Variants in EIF4E1B observed in about 807,000 individuals in gnomAD.
EIF4E1B encodes the protein eukaryotic translation initiation factor 4E type 1B.
Under a neutral mutation model 31.3 loss-of-function variants are expected in EIF4E1B, and 22 were observed. That is an observed-to-expected ratio of 0.70 (90% CI 0.50 to 1.00). EIF4E1B has a LOEUF of 1.00. Among genes scored for constraint, EIF4E1B ranks in the 50% least tolerant of loss-of-function variants. The pLI is 0.00. For synonymous variants in EIF4E1B, 126 were observed against 120.2 expected, an observed-to-expected ratio of 1.05 and a Z score of -0.31; for missense variants, 290 against 311.6, an observed-to-expected ratio of 0.93 and a Z score of 0.52.
chr5:176,642,858 C>CACCG (rs1055727224), intron 3 of EIF4E1B, 56 bp downstream of exon 3: 1 of 1,290,768 alleles, frequency 7.7e-7, no homozygotes, highest in African/African-American at 2.1e-5. Flanking sequence ...CTCTCCCCCC[C>CACCG]CCCCCCCGCC....
chr5:176,645,139 C>T lies in EIF4E1B; in HGVS notation c.370C>T (p.Gln124Ter), dbSNP rs368333419. 5 of 1,563,138 alleles carry T rather than the reference C, an allele frequency of 3.2e-6. No homozygotes were observed. The African/African-American group carries it at 6.8e-5, about 21-fold the overall frequency. ...CDYALFKDGI[Q>*]PMWEDSRNKR... is the part of the protein sequence containing the mutation. Reference sequence around the variant, plus strand: ...GCCATCTGCCTTGCAGGATGGCATCCAGCCCATGTGGGAGGACAGCAGGAA... The same window carrying T: ...GCCATCTGCCTTGCAGGATGGCATCTAGCCCATGTGGGAGGACAGCAGGAA... Residue 124 changes from glutamine to a stop codon, truncating the protein, a stop_gained, in exon 7 of 9, where the codon CAG becomes TAG. Transcript: ENST00000318682. LOFTEE classifies it high-confidence loss of function. The surrounding 1 kb of genome is among the most constrained non-coding windows in gnomAD (Gnocchi z 5.4).
intron 1 of EIF4E1B, among the ~76,000 whole-genome samples, chr5:176,634,803 G>A (rs1301241283): frequency 6.6e-6 from 1 of 151,528 alleles, no homozygotes; most frequent in Non-Finnish European, 1.5e-5. Context: ...CTGAGTAGCT[G>A]GGATTACAGG....
chr5:176,645,673 TCTAA>T lies in EIF4E1B; in HGVS notation c.614+160_614+163del. 1.6e-6 allele frequency: 2 copies of T among 1,233,276 alleles called. No individual in the cohort carries two copies. Among genetic ancestry groups the T allele is most frequent in the Admixed American group, 3.0e-5 (1 of 33,584 alleles). The allele number at this position is 1,233,276 out of a possible 1,614,324, so 76.4% of individuals were successfully genotyped here. On this transcript the variant is annotated intron_variant, in intron 8 of 8. Transcript: ENST00000318682. This position sits in a 1 kb window ranked among gnomAD's most constrained non-coding sequence, Gnocchi z 5.4. ...GTATGGAAGGTCTGGCGTTCAGATT[TCTAA>T]CTTTCTCTTACGGCAGTGCAGCTCT... is the stretch of plus-strand genomic sequence containing the variant.
chr5:176,633,480 ATTTATT>A (rs1183611522), intron 1 of EIF4E1B, among the ~76,000 whole-genome samples: 1 of 151,798 alleles, frequency 6.6e-6, no homozygotes, highest in Non-Finnish European at 1.5e-5. Flanking sequence ...TGATTTACTT[ATTTATT>A]TTTTGTTGAG....
In EIF4E1B at chr5:176,638,502, G is replaced by A. The variant is rs1482766874; in HGVS notation, c.-201-3541G>A. 6.6e-6 allele frequency among the ~76,000 whole-genome samples: 1 copy of A among 152,234 alleles called. No individual in the cohort carries two copies. Among genetic ancestry groups the A allele is most frequent in the African/African-American group, 2.4e-5 (1 of 41,452 alleles). On this transcript the variant is annotated intron_variant, in intron 1 of 8. Transcript: ENST00000318682. The surrounding 1 kb of genome is among the most constrained non-coding windows in gnomAD (Gnocchi z 4.3). Reference sequence around the variant, plus strand: ...ATAGAACAGAGTGATGAGTTAGAGGGCATGGGGGAGAGTGTTCTTCTGTAG... The same window carrying A: ...ATAGAACAGAGTGATGAGTTAGAGGACATGGGGGAGAGTGTTCTTCTGTAG...
Position 176,643,227 on chromosome 5 carries a change from C to T in EIF4E1B, c.161C>T (p.Pro54Leu). 1 of 1,612,850 alleles carries T rather than the reference C, an allele frequency of 6.2e-7. No homozygotes were observed. Among genetic ancestry groups the T allele is most frequent in the Non-Finnish European group, 8.5e-7 (1 of 1,179,856 alleles). The change falls in exon 4 of 9, where the codon CCC becomes CTC. Residue 54 changes from proline (P) to leucine (L), a missense_variant. By Grantham distance (98) the Pro-to-Leu change is moderately conservative. Coordinates refer to ENST00000318682, the MANE Select transcript of EIF4E1B (RefSeq NM_001099408.2). ...AGAGGGAAGGCCCGGACGGGGGGCC[C>T]CATGGAAGTCAAGCTGGAGCTGCAC... ...SLRGKARTGG[P>L]MEVKLELHPL...
intron 1 of EIF4E1B, among the ~76,000 whole-genome samples, chr5:176,640,596 C>A (rs1348346348): frequency 6.6e-6 from 1 of 152,194 alleles, no homozygotes; most frequent in African/African-American, 2.4e-5. Context: ...TGGACGACTA[C>A]ATTAGCATCC....
chr5:176,641,981 A>G (rs1268522781), intron 1 of EIF4E1B, 62 bp from the exon 2 acceptor site: 1 of 152,584 alleles, frequency 6.6e-6, no homozygotes, highest in Non-Finnish European at 1.5e-5. Flanking sequence ...TATGTGTTCT[A>G]TATCATTTAA....
chr5:176,633,651 A>G (rs1760447217), intron 1 of EIF4E1B, among the ~76,000 whole-genome samples: 1 of 152,124 alleles, frequency 6.6e-6, no homozygotes, highest in South Asian at 2.1e-4. Flanking sequence ...ATTTGCTTAA[A>G]TCACCCAGAA....
intron 1 of EIF4E1B, among the ~76,000 whole-genome samples, chr5:176,633,070 T>C (rs1760433013): frequency 6.6e-6 from 1 of 152,160 alleles, no homozygotes; most frequent in Non-Finnish European, 1.5e-5. Context: ...CAGGACAAGC[T>C]GCACTGTCCA....
chr5:176,631,630 G>C (rs1760387655), intron 1 of EIF4E1B, among the ~76,000 whole-genome samples: 1 of 148,836 alleles, frequency 6.7e-6, no homozygotes, highest in Non-Finnish European at 1.5e-5. Context: ...AGGCGAGGGG[G>C]CCACCAGCAG....
Position 176,642,815 on chromosome 5 carries a change from G to GCCT in EIF4E1B, c.15+15_15+17dup. 6.5e-7 allele frequency: 1 copy of GCCT among 1,536,176 alleles called. No individual in the cohort carries two copies. Among genetic ancestry groups the GCCT allele is most frequent in the Non-Finnish European group, 8.7e-7 (1 of 1,145,688 alleles). ...GCTTGCTGTTGAGGTAATCAGCCTG[G>GCCT]CCTCTCTACCCCCAGTGCACCATGG... On this transcript the variant is annotated intron_variant, in intron 3 of 8. Coordinates refer to ENST00000318682, the MANE Select transcript of EIF4E1B (RefSeq NM_001099408.2).
intron 2 of EIF4E1B, among the ~76,000 whole-genome samples, chr5:176,642,374 C>A (rs188817830): frequency 6.6e-6 from 1 of 152,232 alleles, no homozygotes; most frequent in African/African-American, 2.4e-5. Context: ...TATGGTGGCT[C>A]ATGCCAGTAA....
chr5:176,635,282 C>T (rs1315917903), intron 1 of EIF4E1B, among the ~76,000 whole-genome samples: 2 of 151,882 alleles, frequency 1.3e-5, no homozygotes, highest in Admixed American at 6.6e-5. Flanking sequence ...AGAGGGAGGC[C>T]GAAGGAGACC....
Position 176,637,370 on chromosome 5 carries a change from C to T in EIF4E1B, c.-201-4673C>T, listed in dbSNP as rs141498391. Among the ~76,000 whole-genome samples, 964 of 152,280 alleles carry T rather than the reference C, an allele frequency of 6.3e-3. 9 individuals carry two copies. Among genetic ancestry groups the T allele is most frequent in the African/African-American group, 0.021 (855 of 41,548 alleles). ...AGGAGAATCCTTTGAACCCAGGAGGCAGAGGTTACAGTGGGCTGAGATCGT... is the reference window on the plus strand; with the variant it reads ...AGGAGAATCCTTTGAACCCAGGAGGTAGAGGTTACAGTGGGCTGAGATCGT... On this transcript the variant is annotated intron_variant, in intron 1 of 8. Transcript: ENST00000318682.
At chr5:176,633,895 G>C (rs1760451165) in intron 1 of EIF4E1B, among the ~76,000 whole-genome samples, 1 of 152,182 alleles carries the variant, frequency 6.6e-6, no homozygotes, top group South Asian at 2.1e-4. Context: ...GGAGGATAAG[G>C]CTGGCTGTAG....
chr5:176,643,711 G>A lies in EIF4E1B; in HGVS notation c.273G>A (p.Val91=). The change falls in exon 5 of 9, where the codon GTG becomes GTA. Residue 91 remains valine, a synonymous_variant. Transcript: ENST00000318682. ...WQDNLHLVTK[V]DTVEDFWALY... is the part of the protein sequence containing the mutation. ...ACAACCTGCACCTGGTCACCAAGGT[G>A]GACACTGTGGAGGACTTCTGGGCGT... is the stretch of plus-strand genomic sequence containing the variant. 3.1e-6 allele frequency: 5 copies of A among 1,613,064 alleles called. No individual in the cohort carries two copies. Among genetic ancestry groups the A allele is most frequent in the Non-Finnish European group, 4.2e-6 (5 of 1,179,528 alleles).
Position 176,643,638 on chromosome 5 carries a change from G to C in EIF4E1B, c.201-1G>C, listed in dbSNP as rs1383468331. The C allele has an allele frequency of 6.2e-7, 1 of 1,604,590 alleles. No homozygotes were observed. Among genetic ancestry groups the C allele is most frequent in the African/African-American group, 1.3e-5 (1 of 74,898 alleles). On this transcript the variant is annotated splice_acceptor_variant, in intron 4 of 8. Transcript: ENST00000318682. LOFTEE classifies it high-confidence loss of function. ...TGGCTGCCTCCCCCTTCCCCTACCA[G>C]GTGGGCTCTGTGGTTCTTCAAGAAT...
intron 1 of EIF4E1B, among the ~76,000 whole-genome samples, chr5:176,641,335 AT>A (rs1002517875): frequency 8.5e-5 from 13 of 152,274 alleles, no homozygotes; most frequent in African/African-American, 2.9e-4. Context: ...CCTGAAAACA[AT>A]ATAAATAAAT....
Sources: allele counts gnomAD v4.1 joint callset (sites outside exome capture counted in the v4.1 genomes callset), GRCh38; gene constraint gnomAD v4.1.1; non-coding constraint Gnocchi (gnomAD v3.1); transcripts MANE v1.5; gene names NCBI Gene and HGNC (gene_info 2026-07-23, HGNC 2026-07-21).